The following NELL1 variants were observed in gnomAD, a reference collection of about 807,000 sequenced individuals.
NELL1 encodes protein kinase C-binding protein NELL1.
Under a neutral mutation model 107.4 loss-of-function variants are expected in NELL1, and 76 were observed. The ratio of observed to expected loss-of-function variants is 0.71; its 90% CI spans 0.59 to 0.86. The LOEUF (loss-of-function observed/expected upper bound fraction) is 0.86. Among genes scored for constraint, NELL1 ranks in the 40% least tolerant of loss-of-function variants. The pLI is 0.00. For missense variants in NELL1, 1,024 were observed against 1,005.5 expected, an observed-to-expected ratio of 1.02 and a Z score of -0.25; for synonymous variants, 353 against 341.2, an observed-to-expected ratio of 1.03 and a Z score of -0.38.
intron 2 of NELL1, among the ~76,000 whole-genome samples, chr11:20,693,305 G>A (rs1157327789): frequency 7.9e-5 from 12 of 151,684 alleles, no homozygotes; most frequent in East Asian, 2.0e-4. Flanking sequence ...TAATATTGTC[G>A]TATGTGAATT....
intron 14 of NELL1, among the ~76,000 whole-genome samples, chr11:21,276,004 C>T (rs1420106200): frequency 2.2e-4 from 33 of 152,236 alleles, no homozygotes; most frequent in Admixed American, 1.8e-3. Flanking sequence ...ACAGGGATGC[C>T]GTCTCTCACC....
chr11:21,142,769 C>T (rs1165585242), intron 13 of NELL1, among the ~76,000 whole-genome samples: 2 of 152,166 alleles, frequency 1.3e-5, no homozygotes, highest in African/African-American at 4.8e-5. Context: ...CTGTTGCCTC[C>T]GTCTTCTCAT....
At position 21,119,322 on chromosome 11, in the gene NELL1, A is replaced by G. The variant is rs79997439; in HGVS notation, c.1426+5608A>G. Among the ~76,000 whole-genome samples, 453 of 151,624 alleles carry G rather than the reference A, an allele frequency of 3.0e-3. 4 individuals carry two copies. Among genetic ancestry groups the G allele is most frequent in the African/African-American group, 0.01 (433 of 41,368 alleles). ...GGATGCTAAGCATGATGGAGGAGAA[A>G]GGCAATGCATTACACAGAACAGGAA... On this transcript the variant is annotated intron_variant, in intron 13 of 19. Transcript: ENST00000357134.
chr11:20,807,232 GT>G (rs1455635739), intron 3 of NELL1, among the ~76,000 whole-genome samples: 1 of 152,122 alleles, frequency 6.6e-6, no homozygotes, highest in Non-Finnish European at 1.5e-5. Context: ...TGTGATCTAT[GT>G]TTTTGTTCAC....
intron 14 of NELL1, among the ~76,000 whole-genome samples, chr11:21,337,304 C>G (rs12800887): frequency 0.15 from 22,075 of 152,092 alleles, 1,725 homozygotes; most frequent in East Asian, 0.25. Context: ...CCATCCATCA[C>G]ATTTGATATG....
chr11:21,334,993 G>A (rs921440999), intron 14 of NELL1, among the ~76,000 whole-genome samples: 21 of 151,876 alleles, frequency 1.4e-4, no homozygotes, highest in South Asian at 1.0e-3. Context: ...ATCTCTTTGC[G>A]TCAACAGAAT....
At chr11:21,391,288 C>G (rs1851872811) in intron 15 of NELL1, among the ~76,000 whole-genome samples, 1 of 151,630 alleles carries the variant, frequency 6.6e-6, no homozygotes, top group Middle Eastern at 3.2e-3. Flanking sequence ...GAAACTGTGG[C>G]CGTTTTTTCA....
intron 2 of NELL1, among the ~76,000 whole-genome samples, chr11:20,729,718 C>T (rs530409055): frequency 3.9e-5 from 6 of 152,164 alleles, no homozygotes; most frequent in Non-Finnish European, 7.3e-5. Flanking sequence ...TTAAAGACCT[C>T]CCTTATATCT....
At chr11:21,316,999 T>G (rs1440164136) in intron 14 of NELL1, among the ~76,000 whole-genome samples, 1 of 152,186 alleles carries the variant, frequency 6.6e-6, no homozygotes, top group East Asian at 1.9e-4. Context: ...ATCATTTTCT[T>G]ACATAACACT....
chr11:21,472,425 T>A (rs2133887899), intron 15 of NELL1, among the ~76,000 whole-genome samples: 1 of 152,140 alleles, frequency 6.6e-6, no homozygotes, highest in East Asian at 1.9e-4. Flanking sequence ...ACTAAGCACA[T>A]TACTCATTCT....
intron 15 of NELL1, among the ~76,000 whole-genome samples, chr11:21,459,223 G>T (rs73461298): frequency 1.3e-5 from 2 of 151,736 alleles, no homozygotes; most frequent in Non-Finnish European, 2.9e-5. Context: ...GGTACTGAGG[G>T]TCTTATTAAC....
At chr11:21,298,696 T>G (rs1849426818) in intron 14 of NELL1, among the ~76,000 whole-genome samples, 1 of 151,968 alleles carries the variant, frequency 6.6e-6, no homozygotes, top group African/African-American at 2.4e-5. Flanking sequence ...TTTTCTGCAG[T>G]AGTAGCAGGA....
intron 13 of NELL1, 59 bp from the exon 14 acceptor site, chr11:21,229,273 A>G: frequency 6.3e-7 from 1 of 1,594,318 alleles, no homozygotes; most frequent in South Asian, 1.1e-5. Context: ...ACATTTCCCA[A>G]TACCAGTAAT....
intron 14 of NELL1, among the ~76,000 whole-genome samples, chr11:21,271,099 A>T (rs1848729988): frequency 6.6e-6 from 1 of 152,086 alleles, no homozygotes; most frequent in African/African-American, 2.4e-5. Context: ...AACTAGAAAA[A>T]AATTAGATCC....
intron 15 of NELL1, among the ~76,000 whole-genome samples, chr11:21,394,124 C>T (rs1424510161): frequency 2.0e-5 from 3 of 151,592 alleles, no homozygotes; most frequent in African/African-American, 4.8e-5. Context: ...AAGTACTTCA[C>T]ATAAGTTAAC....
intron 12 of NELL1, among the ~76,000 whole-genome samples, chr11:21,044,885 G>A (rs1853319504): frequency 6.6e-6 from 1 of 152,114 alleles, no homozygotes; most frequent in Non-Finnish European, 1.5e-5. Context: ...ATGGGGAAGA[G>A]GGGCTAAAAG....
chr11:21,303,182 T>C (rs1317431973), intron 14 of NELL1, among the ~76,000 whole-genome samples: 1 of 151,954 alleles, frequency 6.6e-6, no homozygotes, highest in Non-Finnish European at 1.5e-5. Flanking sequence ...TAAATAACAG[T>C]GTAAGACATG....
At chr11:21,291,861 T>A (rs1288100104) in intron 14 of NELL1, among the ~76,000 whole-genome samples, 1 of 152,152 alleles carries the variant, frequency 6.6e-6, no homozygotes, top group Non-Finnish European at 1.5e-5. Context: ...AAAAGGCCTT[T>A]GACAAAACTC....
intron 13 of NELL1, among the ~76,000 whole-genome samples, chr11:21,187,733 A>T (rs138848170): frequency 6.6e-6 from 1 of 151,806 alleles, no homozygotes; most frequent in African/African-American, 2.4e-5. Context: ...AGAGAATCAT[A>T]GAATGTTCAA....
Sources: gnomAD v4.1 joint callset for allele counts (sites outside exome capture counted in the v4.1 genomes callset) on GRCh38, gnomAD v4.1.1 for gene constraint, MANE v1.5 for transcripts, NCBI Gene and HGNC (gene_info 2026-07-23, HGNC 2026-07-21) for gene names.